WDFY3: variants seen among roughly 807,000 people sequenced by gnomAD.
WDFY3 encodes WD repeat and FYVE domain containing 3.
In WDFY3, 66 loss-of-function variants were observed where a neutral mutation model predicts 409.6. The ratio of observed to expected loss-of-function variants is 0.16; its 90% confidence interval spans 0.13 to 0.20. The LOEUF (loss-of-function observed/expected upper bound fraction) is 0.20, where lower values mean the gene tolerates loss of function less well. WDFY3 is among the 10% of genes least tolerant of loss of function. The pLI is 1.00. For synonymous variants in WDFY3, 1,521 were observed against 1,537.1 expected (o/e 0.99, Z 0.25); for missense variants, 3,031 against 4,298.1 (o/e 0.71, Z 8.24).
At chr4:84,695,055 G>A (rs1031065761) in intron 58 of WDFY3, among the ~76,000 whole-genome samples, 1 of 152,076 alleles carries the variant, frequency 6.6e-6, no homozygotes, top group African/African-American at 2.4e-5. Context: ...ACTTAGTAAA[G>A]GTGGGTGGCC....
intron 32 of WDFY3, among the ~76,000 whole-genome samples, chr4:84,762,318 A>G (rs1742779587): frequency 6.6e-6 from 1 of 152,022 alleles, no homozygotes; most frequent in East Asian, 1.9e-4. Flanking sequence ...TTGTAGGGAC[A>G]TGGATGAAAC....
At chr4:84,873,383 C>A (rs1762375478) in intron 3 of WDFY3, among the ~76,000 whole-genome samples, 1 of 152,162 alleles carries the variant, frequency 6.6e-6, no homozygotes, top group Admixed American at 6.5e-5. Flanking sequence ...CAACACACTT[C>A]TAAATAAACA....
intron 24 of WDFY3, among the ~76,000 whole-genome samples, 184 bp from the exon 25 acceptor site, chr4:84,783,258 T>C (rs777858284): frequency 5.3e-5 from 8 of 152,130 alleles, no homozygotes; most frequent in South Asian, 2.1e-4. Context: ...CTTTGTAAGA[T>C]AGAGGCAAGG....
rs781253299 is a variant in WDFY3, at chr4:84,789,729, T to C, written c.3666A>G (p.Val1222=). ...LYIDGQLVNT[V]KLHYVHSTPG... Reference sequence around the variant, plus strand: ...TTACAAGTGCACATACACTTACCTTTACAGTGTTAACAAGCTGTCCATCAA... The same window carrying C: ...TTACAAGTGCACATACACTTACCTTCACAGTGTTAACAAGCTGTCCATCAA... The change falls in exon 22 of 68, where the codon GTA becomes GTG. Residue 1222 remains valine, a synonymous_variant. Transcript: ENST00000295888. The C allele has an allele frequency of 1.9e-6, 3 of 1,613,936 alleles. No homozygotes were observed. The highest frequency in any genetic ancestry group is 1.3e-5 in the African/African-American group (1 of 74,946).
chr4:84,866,310 G>A (rs1004501741), intron 3 of WDFY3, among the ~76,000 whole-genome samples: 2 of 152,148 alleles, frequency 1.3e-5, no homozygotes, highest in African/African-American at 4.8e-5. Flanking sequence ...ATGAATCAAG[G>A]TTAAACACCA....
At chr4:84,838,582 C>T (rs1019767501) in intron 6 of WDFY3, among the ~76,000 whole-genome samples, 3 of 152,024 alleles carry the variant, frequency 2.0e-5, no homozygotes, top group African/African-American at 4.8e-5. Context: ...GAGATGGGGC[C>T]GGAACTAATG....
chr4:84,786,231 G>T (rs1242727702), intron 23 of WDFY3, 92 bp from the exon 24 acceptor site: 4 of 1,274,060 alleles, frequency 3.1e-6, no homozygotes, highest in East Asian at 5.3e-5. Flanking sequence ...AAATGAGGAG[G>T]CTTGAAAGTC....
At chr4:84,680,463 G>A (rs910158107) in intron 64 of WDFY3, among the ~76,000 whole-genome samples, 2 of 152,120 alleles carry the variant, frequency 1.3e-5, no homozygotes, top group African/African-American at 4.8e-5. Flanking sequence ...CTAAAGATTA[G>A]TGAATTATTC....
intron 62 of WDFY3, among the ~76,000 whole-genome samples, chr4:84,685,216 G>A (rs565893775): frequency 1.7e-4 from 26 of 152,244 alleles, no homozygotes; most frequent in African/African-American, 6.0e-4. Flanking sequence ...AAAAACAGAG[G>A]AGAACTAGAA....
chr4:84,706,563 A>G (rs1447987329), intron 53 of WDFY3, among the ~76,000 whole-genome samples: 1 of 151,738 alleles, frequency 6.6e-6, no homozygotes, highest in Non-Finnish European at 1.5e-5. Flanking sequence ...AAAAAAAAAA[A>G]ACCCAACATA....
intron 3 of WDFY3, chr4:84,879,612 T>TACACACACAC (rs556955325): frequency 6.7e-6 from 1 of 148,424 alleles, no homozygotes; most frequent in African/African-American, 2.5e-5. Flanking sequence ...AAATTATACA[T>TACACACACAC]ACACACACAC....
At chr4:84,789,669 ACCCC>A in intron 22 of WDFY3, 53 bp downstream of exon 22, 2 of 1,056,970 alleles carry the variant, frequency 1.9e-6, no homozygotes, top group African/African-American at 1.7e-5. Flanking sequence ...ACACACACAC[ACCCC>A]CCAAACTACT....
intron 1 of WDFY3, among the ~76,000 whole-genome samples, chr4:84,933,832 CTA>C (rs1419925059): frequency 1.3e-5 from 2 of 152,132 alleles, no homozygotes; most frequent in Non-Finnish European, 2.9e-5. Flanking sequence ...CCAGTTTCAT[CTA>C]TGTTGTTGCA....
intron 21 of WDFY3, among the ~76,000 whole-genome samples, chr4:84,793,328 AAT>A (rs1748832845): frequency 6.6e-6 from 1 of 152,232 alleles, no homozygotes. Flanking sequence ...ATAAAGAAGA[AAT>A]ATTAGAATCT....
rs1352102055 is a variant in WDFY3 at position 84,809,977 on chromosome 4, A to C, written c.2255T>G (p.Val752Gly). Residue 752 changes from valine to glycine, a missense_variant, in exon 14 of 68, where the codon GTA becomes GGA. By Grantham distance (109) the Val-to-Gly change is moderately radical. Transcript: ENST00000295888. ...QPFQRLLEEDVISIESVSPTL... is the reference protein window; with the variant it reads ...QPFQRLLEEDGISIESVSPTL... Reference sequence around the variant, plus strand: ...GGGTGACACTGATTCTATTGAGATTACATCTTCCTCTAAAAGTCTTTGAAA... The same window carrying C: ...GGGTGACACTGATTCTATTGAGATTCCATCTTCCTCTAAAAGTCTTTGAAA... 1 of 1,614,190 alleles carries C rather than the reference A, an allele frequency of 6.2e-7. No homozygotes were observed. The highest frequency in any genetic ancestry group is 8.5e-7 in the Non-Finnish European group (1 of 1,180,010).
intron 35 of WDFY3, 77 bp downstream of exon 35, chr4:84,753,619 CT>C: frequency 7.1e-7 from 1 of 1,414,220 alleles, no homozygotes; most frequent in Non-Finnish European, 9.3e-7. Context: ...CAAAAAAAAT[CT>C]GCTAACCATT....
chr4:84,894,876 G>C (rs905987218), intron 3 of WDFY3, among the ~76,000 whole-genome samples: 3 of 145,216 alleles, frequency 2.1e-5, no homozygotes, highest in Non-Finnish European at 4.4e-5. Flanking sequence ...CTTGAACCTG[G>C]GGGGAGGAGA....
At chr4:84,844,995 CTTGATATTCCCTAAAAGG>C (rs1757888852) in intron 5 of WDFY3, among the ~76,000 whole-genome samples, 1 of 152,186 alleles carries the variant, frequency 6.6e-6, no homozygotes, top group African/African-American at 2.4e-5. Flanking sequence ...CATTTTGCAA[CTTGATATTCCCTAAAAGG>C]TTTCCATTTT....
chr4:84,935,173 A>C (rs1225770464), intron 1 of WDFY3, among the ~76,000 whole-genome samples: 4 of 152,152 alleles, frequency 2.6e-5, no homozygotes, highest in African/African-American at 9.6e-5. Flanking sequence ...ATGAACATTT[A>C]TGTTATGAAA....
Sources: allele counts gnomAD v4.1 joint callset (sites outside exome capture counted in the v4.1 genomes callset), GRCh38; gene constraint gnomAD v4.1.1; transcripts MANE v1.5; gene names NCBI Gene and HGNC (gene_info 2026-07-23, HGNC 2026-07-21).